The following TRANK1 variants were observed in gnomAD, a reference collection of about 807,000 sequenced individuals.
TRANK1 encodes TPR and ankyrin repeat-containing protein 1.
TRANK1 carries 198 observed loss-of-function variants against 266.0 expected under a neutral mutation model. That is an observed-to-expected ratio of 0.74 (90% CI 0.66 to 0.84). The LOEUF (loss-of-function observed/expected upper bound fraction) is 0.84, where lower values mean the gene tolerates loss of function less well. Ranked by LOEUF, TRANK1 falls within the 40% of genes least tolerant of loss-of-function variation. TRANK1 has a pLI of 0.00. For synonymous variants in TRANK1, 1,396 were observed against 1,384.1 expected, an observed-to-expected ratio of 1.01 and a Z score of -0.19; for missense variants, 3,326 against 3,634.6, an observed-to-expected ratio of 0.92 and a Z score of 2.18.
In TRANK1 at chr3:36,865,024, GTTT is replaced by G. The variant is rs34540496; in HGVS notation, c.1079-547_1079-545del. ...TTTTGGGGGTTTTTTTGTTTTTTTG[GTTT>G]TTTTTTTTTTTTTTTTTTGAGACGG... is the stretch of plus-strand genomic sequence containing the variant. On this transcript the variant is annotated intron_variant, in intron 9 of 23. Transcript: ENST00000645898. Among the ~76,000 whole-genome samples the G allele has an allele frequency of 3.0e-4, 36 of 119,790 alleles. No individual in the cohort carries two copies. In the South Asian group the frequency reaches 8.0e-3, roughly 26 times the overall value. The allele number at this position is 119,790 out of a possible 152,430, so 78.6% of individuals were successfully genotyped here.
At chr3:36,937,937 A>G (rs2125670315) in intron 1 of TRANK1, among the ~76,000 whole-genome samples, 1 of 152,350 alleles carries the variant, frequency 6.6e-6, no homozygotes, top group African/African-American at 2.4e-5. Flanking sequence ...ACCTTCTCCA[A>G]GCCTCTATGT....
At chr3:36,842,748 C>T (rs2078864407) in intron 17 of TRANK1, 38 bp from the exon 18 acceptor site, 1 of 1,564,472 alleles carries the variant, frequency 6.4e-7, no homozygotes, top group South Asian at 1.1e-5. Context: ...CTTCTCTGGG[C>T]TTTCTTTCAC....
Position 36,889,889 on chromosome 3 carries a change from C to A in TRANK1, c.847G>T (p.Gly283Trp). The A allele has an allele frequency of 1.3e-6, 2 of 1,537,260 alleles. No homozygotes were observed. Among genetic ancestry groups the A allele is most frequent in the South Asian group, 2.4e-5 (2 of 84,066 alleles). The change falls in exon 8 of 24, where the codon GGG becomes TGG. Residue 283 changes from glycine (G) to tryptophan (W), a missense_variant. Transcript: ENST00000645898. ...EWKGRINQKD[G>W]DGCTVLHVVA... ...ACGTGCAGGACAGTGCAGCCATCCCCATCCTTCTGGTTAATGCGGCCTTTC... is the reference window on the plus strand; with the variant it reads ...ACGTGCAGGACAGTGCAGCCATCCCAATCCTTCTGGTTAATGCGGCCTTTC...
At chr3:36,912,913 G>A (rs2080072636) in intron 1 of TRANK1, among the ~76,000 whole-genome samples, 1 of 151,890 alleles carries the variant, frequency 6.6e-6, no homozygotes, top group African/African-American at 2.4e-5. Flanking sequence ...TTGCTTGCTT[G>A]CTTTTTTTGT....
chr3:36,834,027 AT>A, intron 21 of TRANK1, 108 bp from the exon 22 acceptor site: 1 of 1,139,634 alleles, frequency 8.8e-7, no homozygotes, highest in Non-Finnish European at 1.2e-6. Context: ...ACATGTAGAT[AT>A]TACAAAATAA....
rs542854360 is a variant in TRANK1, at chr3:36,827,681, A to G, written c.*594T>C. The G allele has an allele frequency of 1.3e-5, 2 of 152,730 alleles. No homozygotes were observed. The highest frequency in any genetic ancestry group is 2.4e-5 in the African/African-American group (1 of 41,576). The allele number at this position is 152,730 out of a possible 1,614,324, so 9.5% of individuals were successfully genotyped here. ...AAAAAACAGAAGAAGGGAAGGCAGAAAAGTCGCCACAGAGAGAAAAGGCTA... is the reference window on the plus strand; with the variant it reads ...AAAAAACAGAAGAAGGGAAGGCAGAGAAGTCGCCACAGAGAGAAAAGGCTA... On this transcript the variant is annotated 3_prime_UTR_variant, in exon 24 of 24. Transcript: ENST00000645898.
intron 1 of TRANK1, among the ~76,000 whole-genome samples, chr3:36,909,144 C>G (rs2080016414): frequency 6.6e-6 from 1 of 152,318 alleles, no homozygotes; most frequent in Non-Finnish European, 1.5e-5. Context: ...CCTGAGACAG[C>G]CATTGCCTGC....
At chr3:36,860,344 A>G (rs982585604) in intron 11 of TRANK1, among the ~76,000 whole-genome samples, 3 of 152,190 alleles carry the variant, frequency 2.0e-5, no homozygotes, top group Non-Finnish European at 4.4e-5. Flanking sequence ...GTGTTTCTAA[A>G]TCAGCTTGGA....
chr3:36,868,322 T>A (rs1187489352), intron 9 of TRANK1, among the ~76,000 whole-genome samples: 1 of 152,250 alleles, frequency 6.6e-6, no homozygotes, highest in African/African-American at 2.4e-5. Flanking sequence ...TTGTTATACA[T>A]CATTTTGCTT....
intron 1 of TRANK1, among the ~76,000 whole-genome samples, chr3:36,917,479 C>T (rs2080142681): frequency 6.6e-6 from 1 of 152,120 alleles, no homozygotes; most frequent in Non-Finnish European, 1.5e-5. Context: ...GAACCATTCG[C>T]CCCTCTAAAA....
chr3:36,931,123 C>T (rs915597705), intron 1 of TRANK1, among the ~76,000 whole-genome samples: 2 of 152,126 alleles, frequency 1.3e-5, no homozygotes, highest in African/African-American at 2.4e-5. Context: ...TGACTGCATA[C>T]ATTGGAAATG....
At position 36,857,585 on chromosome 3, in the gene TRANK1, T is replaced by C. The variant is rs1024485389; in HGVS notation, c.2137A>G (p.Thr713Ala). The C allele has an allele frequency of 1.2e-6, 2 of 1,613,930 alleles. No homozygotes were observed. The highest frequency in any genetic ancestry group is 1.7e-6 in the Non-Finnish European group (2 of 1,179,904). The change falls in exon 13 of 24, where the codon ACC becomes GCC. Residue 713 changes from threonine to alanine, a missense_variant. Coordinates refer to ENST00000645898, the MANE Select transcript of TRANK1 (RefSeq NM_001329998.2). The surrounding 1 kb of genome is among the most constrained non-coding windows in gnomAD (Gnocchi z 4.3). ...CCAGGCTCCTTCCTGGTCACCTGGGTACCTGGGAGAGTCTCCCAGCTGTCA... is the reference window on the plus strand; with the variant it reads ...CCAGGCTCCTTCCTGGTCACCTGGGCACCTGGGAGAGTCTCCCAGCTGTCA... The part of the protein sequence containing the change: ...VPDSWETLPG[T>A]QVTRKEPGAL...
At chr3:36,881,770 C>T (rs1275530312) in intron 8 of TRANK1, among the ~76,000 whole-genome samples, 1 of 152,114 alleles carries the variant, frequency 6.6e-6, no homozygotes, top group Non-Finnish European at 1.5e-5. Context: ...CTTCCCAAAC[C>T]CCTGGCAACC....
intron 18 of TRANK1, among the ~76,000 whole-genome samples, chr3:36,841,771 C>G (rs1270823334): frequency 1.3e-5 from 2 of 152,066 alleles, no homozygotes; most frequent in Non-Finnish European, 2.9e-5. Flanking sequence ...CATTAGGCAA[C>G]CAATGAAAGG....
chr3:36,899,054 C>T, intron 4 of TRANK1, 55 bp downstream of exon 4: 2 of 1,520,160 alleles, frequency 1.3e-6, no homozygotes, highest in Non-Finnish European at 1.8e-6. Flanking sequence ...TCCCCAGGAG[C>T]TATTTCAATA....
At chr3:36,871,680 G>T (rs1222607974) in intron 9 of TRANK1, among the ~76,000 whole-genome samples, 1 of 151,670 alleles carries the variant, frequency 6.6e-6, no homozygotes, top group Admixed American at 6.6e-5. Context: ...CCATGAAAAG[G>T]AAAAAAATAA....
chr3:36,874,407 T>C (rs935368344), intron 8 of TRANK1, 111 bp from the exon 9 acceptor site: 2 of 1,188,500 alleles, frequency 1.7e-6, no homozygotes, highest in African/African-American at 1.5e-5. Flanking sequence ...GCAAGAGGAC[T>C]AGGGTCTTCT....
chr3:36,871,531 T>C (rs1575234311), intron 9 of TRANK1, among the ~76,000 whole-genome samples: 1 of 152,220 alleles, frequency 6.6e-6, no homozygotes, highest in African/African-American at 2.4e-5. Context: ...ATTCTGAAAC[T>C]GAGATGATAT....
In TRANK1 at chr3:36,899,241, A is replaced by G; in HGVS notation, c.301T>C (p.Tyr101His). The G allele has an allele frequency of 6.5e-7, 1 of 1,537,332 alleles. No individual in the cohort carries two copies. The highest frequency in any genetic ancestry group is 8.7e-7 in the Non-Finnish European group (1 of 1,146,930). ...TYVKGYYRAG[Y>H]SLLRLHQPYE... The stretch of plus-strand genomic sequence containing the variant: ...GGCTGGTGCAACCTCAGCAAGGAAT[A>G]ACCAGCTCGGTAGTATCCCTGGAAC... The change falls in exon 4 of 24, where the codon TAT becomes CAT. Residue 101 changes from tyrosine to histidine, a missense_variant. Physicochemically the swap from Tyr to His is moderately conservative, Grantham distance 83 (BLOSUM62 2). Transcript: ENST00000645898.
Sources: gnomAD v4.1 joint callset for allele counts (sites outside exome capture counted in the v4.1 genomes callset) on GRCh38, gnomAD v4.1.1 for gene constraint, Gnocchi (gnomAD v3.1) non-coding constraint, MANE v1.5 for transcripts, NCBI Gene and HGNC (gene_info 2026-07-23, HGNC 2026-07-21) for gene names.